PTPRT: variants seen among roughly 807,000 people sequenced by gnomAD.
PTPRT encodes protein tyrosine phosphatase receptor type T.
PTPRT carries 56 observed loss-of-function variants against 176.8 expected under a neutral mutation model. That is an observed-to-expected ratio of 0.32 (90% CI 0.26 to 0.40). The LOEUF (loss-of-function observed/expected upper bound fraction) is 0.40, where lower values mean the gene tolerates loss of function less well. PTPRT is among the 10% of genes least tolerant of loss of function. PTPRT has a pLI of 1.00. For missense variants in PTPRT, 1,540 were observed against 1,908.2 expected (o/e 0.81, Z 3.60); for synonymous variants, 783 against 739.0 (o/e 1.06, Z -0.96).
At chr20:42,645,749 A>G (rs190393542) in intron 7 of PTPRT, among the ~76,000 whole-genome samples, 1 of 141,880 alleles carries the variant, frequency 7.0e-6, no homozygotes, top group Admixed American at 6.8e-5. Context: ...TATGTTTCAG[A>G]TGGGATGTGT....
intron 1 of PTPRT, among the ~76,000 whole-genome samples, chr20:43,158,785 A>C (rs1010020854): frequency 2.0e-5 from 3 of 152,168 alleles, no homozygotes; most frequent in African/African-American, 7.2e-5. Flanking sequence ...AAAATCTAGA[A>C]GAAGAATCTT....
chr20:42,634,091 A>AT lies in PTPRT; in HGVS notation c.1153+43774_1153+43775insA, dbSNP rs1201957455. On this transcript the variant is annotated intron_variant, in intron 7 of 30. Coordinates refer to ENST00000373187, the MANE Select transcript of PTPRT (RefSeq NM_007050.6). ...TATATATATAATATATATATAATAT[A>AT]ATAATATATATATTATAATAATATA... 6.2e-4 allele frequency among the ~76,000 whole-genome samples: 29 copies of AT among 46,518 alleles called. No individual in the cohort carries two copies. In the East Asian group the frequency reaches 0.011, roughly 17 times the overall value. 30.5% of individuals were successfully genotyped at this position (46,518 alleles called of 152,430 possible).
intron 7 of PTPRT, among the ~76,000 whole-genome samples, chr20:42,638,404 T>A (rs1600524035): frequency 6.6e-6 from 1 of 152,214 alleles, no homozygotes; most frequent in Non-Finnish European, 1.5e-5. Context: ...TTGAAGATAC[T>A]CACCCTTCGC....
At chr20:42,605,329 A>C (rs1324863879) in intron 7 of PTPRT, among the ~76,000 whole-genome samples, 2 of 134,658 alleles carry the variant, frequency 1.5e-5, no homozygotes, top group African/African-American at 7.3e-5. Context: ...AAAGAGATTC[A>C]AAAGCCAAGG....
At chr20:42,471,021 T>C (rs557915340) in intron 8 of PTPRT, among the ~76,000 whole-genome samples, 19 of 152,144 alleles carry the variant, frequency 1.2e-4, no homozygotes, top group Admixed American at 1.2e-3. Flanking sequence ...AGATAAGGAA[T>C]ACAGGAAAGT....
intron 6 of PTPRT, among the ~76,000 whole-genome samples, chr20:42,737,764 G>A (rs958013475): frequency 3.3e-5 from 5 of 152,136 alleles, no homozygotes; most frequent in African/African-American, 1.2e-4. Context: ...GCCACCCAGT[G>A]TATAGTAGTT....
chr20:42,418,417 GACC>G (rs2059086071), intron 9 of PTPRT, among the ~76,000 whole-genome samples: 1 of 152,086 alleles, frequency 6.6e-6, no homozygotes, highest in African/African-American at 2.4e-5. Context: ...CTCCAAAACT[GACC>G]ACATTATCAG....
At chr20:42,432,695 GA>G (rs1231053774) in intron 9 of PTPRT, among the ~76,000 whole-genome samples, 1 of 152,160 alleles carries the variant, frequency 6.6e-6, no homozygotes, top group Non-Finnish European at 1.5e-5. Context: ...TATCTTAACT[GA>G]AAACATTCCT....
In PTPRT at chr20:42,081,994, G is replaced by T; in HGVS notation, c.4160C>A (p.Thr1387Asn). 1 of 1,614,230 alleles carries T rather than the reference G, an allele frequency of 6.2e-7. No homozygotes were observed. The highest frequency in any genetic ancestry group is 8.5e-7 in the Non-Finnish European group (1 of 1,180,046). Residue 1387 changes from threonine (T) to asparagine (N), a missense_variant, in exon 30 of 31, where the codon ACC becomes AAC. By Grantham distance (65) the Thr-to-Asn change is moderately conservative. This residue lies in a region of PTPRT where 342 missense variants were observed against 394.0 expected (regional missense o/e 0.87). Coordinates refer to ENST00000373187, the MANE Select transcript of PTPRT (RefSeq NM_007050.6). ...HCLNGGGRSG[T>N]FCAICSVCEM... ...ACACACACTGCAGATGGCACAGAAG[G>T]TTCCACTACGGCCTCCCCCATTTCT...
intron 1 of PTPRT, among the ~76,000 whole-genome samples, chr20:43,179,474 T>C (rs977640465): frequency 6.6e-5 from 10 of 152,202 alleles, no homozygotes; most frequent in African/African-American, 2.2e-4. Context: ...CCCTAATCTA[T>C]TGGTGTTTTT....
intron 15 of PTPRT, among the ~76,000 whole-genome samples, chr20:42,208,420 T>C (rs2055529852): frequency 1.3e-5 from 2 of 151,512 alleles, no homozygotes; most frequent in Non-Finnish European, 2.9e-5. Context: ...GAGACACACA[T>C]AGGCTCAAAA....
chr20:42,588,378 A>G (rs1354754468), intron 7 of PTPRT, among the ~76,000 whole-genome samples: 2 of 152,116 alleles, frequency 1.3e-5, no homozygotes, highest in East Asian at 3.9e-4. Context: ...TGGGAGGTGA[A>G]GGTTGCAGTC....
intron 2 of PTPRT, among the ~76,000 whole-genome samples, chr20:42,809,174 C>T (rs2145612474): frequency 6.6e-6 from 1 of 152,342 alleles, no homozygotes; most frequent in Admixed American, 6.5e-5. Flanking sequence ...TTGGTGCCAT[C>T]ATCACGTCAC....
intron 3 of PTPRT, among the ~76,000 whole-genome samples, chr20:42,790,897 T>C (rs2077365019): frequency 1.3e-5 from 2 of 152,302 alleles, no homozygotes; most frequent in Admixed American, 6.5e-5. Context: ...CATCATGTCA[T>C]AAGCACTGAC....
chr20:42,884,306 T>A (rs535178197), intron 2 of PTPRT, among the ~76,000 whole-genome samples: 1 of 152,154 alleles, frequency 6.6e-6, no homozygotes, highest in African/African-American at 2.4e-5. Flanking sequence ...AAGGCTTGTA[T>A]CAACACTTTT....
At chr20:42,862,156 T>A (rs1370978309) in intron 2 of PTPRT, among the ~76,000 whole-genome samples, 2 of 152,204 alleles carry the variant, frequency 1.3e-5, no homozygotes, top group African/African-American at 4.8e-5. Flanking sequence ...ATTTTGCATT[T>A]AGAGTACATC....
chr20:42,379,347 G>A (rs2058678886), intron 9 of PTPRT, among the ~76,000 whole-genome samples: 2 of 152,230 alleles, frequency 1.3e-5, no homozygotes, highest in Admixed American at 1.3e-4. Context: ...TCATTTCCCT[G>A]CAGCAATAGA....
chr20:42,118,427 G>C lies in PTPRT; in HGVS notation c.2958C>G (p.Val986=). 1.2e-6 allele frequency: 2 copies of C among 1,613,056 alleles called. No homozygotes were observed. The highest frequency in any genetic ancestry group is 1.7e-6 in the Non-Finnish European group (2 of 1,179,438). ...WQENSASIVM[V]TNLVEVGRVK... is the part of the protein sequence containing the mutation. Reference sequence around the variant, plus strand: ...CCCTGCCCACTTCCACCAGGTTTGTGACCATGACGATGCTGGCGGAGTTCT... The same window carrying C: ...CCCTGCCCACTTCCACCAGGTTTGTCACCATGACGATGCTGGCGGAGTTCT... Residue 986 remains valine (V), a synonymous_variant, in exon 21 of 31, where the codon GTC becomes GTG. Transcript: ENST00000373187.
At position 42,309,392 on chromosome 20, in the gene PTPRT, C is replaced by T. The variant is rs1175766572; in HGVS notation, c.2139+6331G>A. Among the ~76,000 whole-genome samples, 5 of 152,198 alleles carry T rather than the reference C, an allele frequency of 3.3e-5. No homozygotes were observed. The East Asian group carries it at 7.7e-4, about 24-fold the overall frequency. On this transcript the variant is annotated intron_variant, in intron 12 of 30. Coordinates refer to ENST00000373187, the MANE Select transcript of PTPRT (RefSeq NM_007050.6). ...GAACTGAGACAGCTACCCTGGGTAC[C>T]ATTTGGAGGATTTGGAGGAAATCAA...
Sources: gnomAD v4.1 joint callset for allele counts (sites outside exome capture counted in the v4.1 genomes callset) on GRCh38, gnomAD v4.1.1 for gene constraint, gnomAD v4.1.1 regional missense constraint, MANE v1.5 for transcripts, NCBI Gene and HGNC (gene_info 2026-07-23, HGNC 2026-07-21) for gene names.